ANK3: variants seen among roughly 807,000 people sequenced by gnomAD.
ANK3 encodes ankyrin 3.
ANK3 carries 57 observed loss-of-function variants against 370.9 expected under a neutral mutation model. The ratio of observed to expected loss-of-function variants is 0.15; its 90% CI spans 0.12 to 0.19. ANK3 has a LOEUF of 0.19. Ranked by LOEUF, ANK3 falls within the 10% of genes least tolerant of loss-of-function variation. The probability of loss-of-function intolerance (pLI) is 1.00; values close to 1 mark genes in which losing one functional copy is unlikely to be tolerated. For synonymous variants in ANK3, 1,929 were observed against 1,946.3 expected, an observed-to-expected ratio of 0.99 and a Z score of 0.23; for missense variants, 4,439 against 5,302.1, an observed-to-expected ratio of 0.84 and a Z score of 5.06.
chr10:60,374,475 G>A (rs1035499025), intron 1 of ANK3, among the ~76,000 whole-genome samples: 1 of 152,148 alleles, frequency 6.6e-6, no homozygotes, highest in African/African-American at 2.4e-5. Context: ...AGGAGTGATT[G>A]CAGGCAGACC....
intron 8 of ANK3, among the ~76,000 whole-genome samples, chr10:60,218,435 A>C (rs757747124): frequency 2.6e-5 from 4 of 151,750 alleles, no homozygotes; most frequent in Non-Finnish European, 5.9e-5. Context: ...TTTCCTTTCC[A>C]TATTTAGTAC....
chr10:60,523,511 G>A (rs971489638), intron 2 of ANK3, among the ~76,000 whole-genome samples: 7 of 150,670 alleles, frequency 4.6e-5, no homozygotes, highest in South Asian at 2.1e-4. Context: ...TTGTCCTTGC[G>A]ATAGTTTGCT....
At chr10:60,178,769 C>T (rs553442858) in intron 18 of ANK3, among the ~76,000 whole-genome samples, 4 of 152,162 alleles carry the variant, frequency 2.6e-5, no homozygotes, top group Non-Finnish European at 5.9e-5. Flanking sequence ...AGAATCAATG[C>T]CTTTCAGGGG....
chr10:60,230,599 AG>A (rs2097224556), intron 8 of ANK3, among the ~76,000 whole-genome samples: 1 of 152,122 alleles, frequency 6.6e-6, no homozygotes, highest in African/African-American at 2.4e-5. Flanking sequence ...AGAAACATGA[AG>A]GGTTTGGGGG....
intron 16 of ANK3, among the ~76,000 whole-genome samples, chr10:60,189,854 T>C (rs2096439342): frequency 6.6e-6 from 1 of 152,242 alleles, no homozygotes; most frequent in South Asian, 2.1e-4. Flanking sequence ...AAGTAATATA[T>C]AGCATTTAAA....
At chr10:60,233,137 C>T (rs1229305774) in intron 8 of ANK3, among the ~76,000 whole-genome samples, 1 of 152,202 alleles carries the variant, frequency 6.6e-6, no homozygotes, top group African/African-American at 2.4e-5. Context: ...CTGAGATATA[C>T]TAGCAGTGGC....
At chr10:60,566,754 T>C (rs182219168) in intron 2 of ANK3, among the ~76,000 whole-genome samples, 105 of 152,324 alleles carry the variant, frequency 6.9e-4, no homozygotes, top group Admixed American at 1.4e-3. Context: ...AGCACACTTG[T>C]GATCCCAGCT....
At chr10:60,644,481 A>C (rs190784299) in intron 1 of ANK3, among the ~76,000 whole-genome samples, 4 of 152,224 alleles carry the variant, frequency 2.6e-5, no homozygotes, top group African/African-American at 9.6e-5. Flanking sequence ...CTACGTTTTA[A>C]ATTATTCTTT....
At chr10:60,455,851 A>C (rs927494008) in intron 2 of ANK3, among the ~76,000 whole-genome samples, 7 of 152,128 alleles carry the variant, frequency 4.6e-5, no homozygotes, top group Non-Finnish European at 7.4e-5. Context: ...CAGTCCTTCC[A>C]CTCTAACTTC....
intron 9 of ANK3, among the ~76,000 whole-genome samples, chr10:60,211,005 C>A (rs1043221519): frequency 1.3e-5 from 2 of 152,106 alleles, no homozygotes; most frequent in African/African-American, 4.8e-5. Context: ...AAGAGATGTA[C>A]ACAACCAGCT....
chr10:60,694,040 A>G (rs2079402408), intron 1 of ANK3, among the ~76,000 whole-genome samples: 1 of 152,130 alleles, frequency 6.6e-6, no homozygotes, highest in African/African-American at 2.4e-5. Flanking sequence ...TAACCAATAC[A>G]GAGAAGTGCT....
chr10:60,719,781 A>G (rs2079838276), intron 1 of ANK3, among the ~76,000 whole-genome samples: 1 of 152,182 alleles, frequency 6.6e-6, no homozygotes, highest in South Asian at 2.1e-4. Context: ...GACTTTAATT[A>G]TGATGTTATT....
At chr10:60,305,974 A>G (rs1292818879) in intron 1 of ANK3, among the ~76,000 whole-genome samples, 3 of 149,850 alleles carry the variant, frequency 2.0e-5, no homozygotes, top group Admixed American at 6.6e-5. Context: ...AGGAAAGTCA[A>G]TATGTAAAAA....
At position 60,068,776 on chromosome 10, in the gene ANK3, G is replaced by T; in HGVS notation, c.12105C>A (p.Asn4035Lys). Reference protein sequence around the residue: ...LSDEEESTSRNTSLSETSRGG... With the variant: ...LSDEEESTSRKTSLSETSRGG... ...CCCGGGAAGTCTCGGACAACGACGT[G>T]TTTCTTGAGGTACTTTCTTCCTCAT... Residue 4035 changes from asparagine (N) to lysine (K), a missense_variant, in exon 37 of 44, where the codon AAC (asparagine) becomes AAA (lysine). Physicochemically the swap from Asn to Lys is moderately conservative, Grantham distance 94 (BLOSUM62 0). Around this residue, in one of 13 missense-constraint regions of ANK3, gnomAD observed 496 missense variants for 529.3 expected, o/e 0.94. Transcript: ENST00000280772. The T allele has an allele frequency of 6.2e-7, 1 of 1,614,190 alleles. No individual in the cohort carries two copies. Among genetic ancestry groups the T allele is most frequent in the East Asian group, 2.2e-5 (1 of 44,880 alleles).
intron 32 of ANK3, chr10:60,084,159 C>G (rs190073444): frequency 6.5e-6 from 1 of 154,020 alleles, no homozygotes; most frequent in African/African-American, 2.4e-5. Context: ...GTAATGCCAG[C>G]GCTTTGGGAG....
rs923830024 is a variant in ANK3, at chr10:60,061,200, A to C, written c.12596-1770T>G. On this transcript the variant is annotated intron_variant, in intron 40 of 43. Transcript: ENST00000280772. The stretch of plus-strand genomic sequence containing the variant: ...ACATTTTTCAGTTATGGTCATCTAT[A>C]AACCAGACTCTTGTTGAAAAGCTGG... Among the ~76,000 whole-genome samples, 9 of 152,358 alleles carry C rather than the reference A, an allele frequency of 5.9e-5. No homozygotes were observed. The South Asian group carries it at 1.2e-3, about 21-fold the overall frequency.
chr10:60,236,397 A>T (rs1234804208), intron 7 of ANK3, among the ~76,000 whole-genome samples: 1 of 150,318 alleles, frequency 6.7e-6, no homozygotes, highest in Admixed American at 6.6e-5. Flanking sequence ...TGGAGGGTCG[A>T]CATATTGCAT....
At chr10:60,615,473 G>A (rs2078256073) in intron 1 of ANK3, among the ~76,000 whole-genome samples, 1 of 151,720 alleles carries the variant, frequency 6.6e-6, no homozygotes, top group South Asian at 2.1e-4. Context: ...TAGCATCAAT[G>A]GTTTAAAGAG....
intron 25 of ANK3, among the ~76,000 whole-genome samples, chr10:60,130,237 C>T (rs749950775): frequency 6.6e-6 from 1 of 152,226 alleles, no homozygotes; most frequent in African/African-American, 2.4e-5. Context: ...CTGGCCTCCA[C>T]ATGTGCCTTC....
Sources: gnomAD v4.1 joint callset for allele counts (sites outside exome capture counted in the v4.1 genomes callset) on GRCh38, gnomAD v4.1.1 for gene constraint, gnomAD v4.1.1 regional missense constraint, MANE v1.5 for transcripts, NCBI Gene and HGNC (gene_info 2026-07-23, HGNC 2026-07-21) for gene names.